ILDR2: variants seen among roughly 807,000 people sequenced by gnomAD.
The protein encoded by ILDR2 is immunoglobulin like domain containing receptor 2.
In ILDR2, 25 loss-of-function variants were observed where a neutral mutation model predicts 66.8. The observed-to-expected ratio is 0.37, with a 90% CI of 0.27 to 0.52. ILDR2 has a LOEUF of 0.52. ILDR2 is among the 20% of genes least tolerant of loss of function. The pLI is 0.88. For missense variants in ILDR2, 827 were observed against 876.8 expected (o/e 0.94, Z 0.72); for synonymous variants, 367 against 357.2 (o/e 1.03, Z -0.31).
At chr1:166,907,633 A>G (rs1339031747), downstream of ILDR2, among the ~76,000 whole-genome samples, 2 of 152,358 alleles carry the variant, frequency 1.3e-5, no homozygotes, top group Non-Finnish European at 1.5e-5. Context: ...GTTTAGTATC[A>G]TGGGTAATCA....
In ILDR2 at chr1:166,921,076, G is replaced by C; in HGVS notation, c.1515C>G (p.Ala505=). The change falls in exon 9 of 10, where the codon GCC becomes GCG. Residue 505 remains alanine, a synonymous_variant. Transcript: ENST00000271417. The surrounding 1 kb of genome is among the most constrained non-coding windows in gnomAD (Gnocchi z 5.3). ...WAFSPARRRP[A]EDAHLPRLVS... ...CCAGCCGCGGCAGGTGCGCGTCCTC[G>C]GCGGGTCTGCGGCGCGCGGGGCTGA... 3.4e-6 allele frequency: 5 copies of C among 1,487,944 alleles called. No homozygotes were observed. Among genetic ancestry groups the C allele is most frequent in the Non-Finnish European group, 4.4e-6 (5 of 1,128,728 alleles). The allele number at this position is 1,487,944 out of a possible 1,614,324, so 92.2% of individuals were successfully genotyped here.
rs1441057673 is a variant in ILDR2, at chr1:166,915,529, G to A, written c.*3826C>T. On this transcript the variant is annotated 3_prime_UTR_variant, in exon 10 of 10. Transcript: ENST00000271417. The stretch of plus-strand genomic sequence containing the variant: ...AGCAGCTATCAAGTTAATTCTTGTG[G>A]TTAGGCAATTTTGGGAAACACTAAT... 1 of 152,170 alleles carries A rather than the reference G, an allele frequency of 6.6e-6. No individual in the cohort carries two copies. The highest frequency in any genetic ancestry group is 2.4e-5 in the African/African-American group (1 of 41,432). The allele number at this position is 152,170 out of a possible 1,614,324, so 9.4% of individuals were successfully genotyped here. A position where few individuals can be genotyped will look rare whatever the true frequency, so the allele number is the denominator to read the frequency against.
chr1:166,966,358 G>A (rs976446098), intron 1 of ILDR2, among the ~76,000 whole-genome samples: 5 of 152,214 alleles, frequency 3.3e-5, no homozygotes, highest in African/African-American at 1.2e-4. Context: ...AGGGTAACCA[G>A]ATGTACCATC....
rs1242732456 is a variant in ILDR2 at position 166,912,682 on chromosome 1, G to A, written c.*6673C>T. On this transcript the variant is annotated 3_prime_UTR_variant, in exon 10 of 10. Coordinates refer to ENST00000271417, the MANE Select transcript of ILDR2 (RefSeq NM_199351.3). ...CCACTAAAATCTGGAATTCCCTTGA[G>A]AGGGCTTAGCCATCCAAAACAGGAT... 3 of 152,198 alleles carry A rather than the reference G, an allele frequency of 2.0e-5. No individual in the cohort carries two copies. In the South Asian group the frequency reaches 6.2e-4, roughly 32 times the overall value. 9.4% of individuals were successfully genotyped at this position (152,198 alleles called of 1,614,324 possible).
rs1245604638 is a variant in ILDR2 at position 166,913,689 on chromosome 1, T to C, written c.*5666A>G. On this transcript the variant is annotated 3_prime_UTR_variant, in exon 10 of 10. Transcript: ENST00000271417. ...TTAAAATGTAGTGAAGATGCCAGATTTTTGCTGTTAAGCAGCTTCTGCCTG... is the reference window on the plus strand; with the variant it reads ...TTAAAATGTAGTGAAGATGCCAGATCTTTGCTGTTAAGCAGCTTCTGCCTG... The C allele has an allele frequency of 6.6e-6, 1 of 152,248 alleles. No individual in the cohort carries two copies. The highest frequency in any genetic ancestry group is 6.5e-5 in the Admixed American group (1 of 15,290). 9.4% of individuals were successfully genotyped at this position (152,248 alleles called of 1,614,324 possible). A position where few individuals can be genotyped will look rare whatever the true frequency, so the allele number is the denominator to read the frequency against.
chr1:166,965,661 C>T lies in ILDR2; in HGVS notation c.47-7560G>A, dbSNP rs1463749362. 2.0e-5 allele frequency among the ~76,000 whole-genome samples: 3 copies of T among 147,000 alleles called. No individual in the cohort carries two copies. In the Admixed American group the frequency reaches 2.1e-4, roughly 10 times the overall value. ...CACCTTGGCTCACTGCAACCTCTGT[C>T]TCCTGGGTTCAAGTGTTTCTCCTGC... On this transcript the variant is annotated intron_variant, in intron 1 of 9. Transcript: ENST00000271417.
At chr1:166,906,044 T>G (rs1428177968), downstream of ILDR2, among the ~76,000 whole-genome samples, 1 of 152,246 alleles carries the variant, frequency 6.6e-6, no homozygotes. Flanking sequence ...TCATTTGTAC[T>G]GGCTGAGATG....
chr1:166,972,043 C>A (rs527830321), intron 1 of ILDR2, among the ~76,000 whole-genome samples: 2 of 152,142 alleles, frequency 1.3e-5, no homozygotes, highest in South Asian at 4.1e-4. Flanking sequence ...GAAACCCCAA[C>A]TCTACTAAAA....
chr1:166,916,461 T>G lies in ILDR2; in HGVS notation c.*2894A>C, dbSNP rs1557925627. ...TTACGGGGTCCTAGTGGACAGAGATTATGTCTTACACAAGATTTACTTTGT... is the reference window on the plus strand; with the variant it reads ...TTACGGGGTCCTAGTGGACAGAGATGATGTCTTACACAAGATTTACTTTGT... On this transcript the variant is annotated 3_prime_UTR_variant, in exon 10 of 10. Transcript: ENST00000271417. 9 of 152,362 alleles carry G rather than the reference T, an allele frequency of 5.9e-5. No homozygotes were observed. In the South Asian group the frequency reaches 1.9e-3, roughly 32 times the overall value. 9.4% of individuals were successfully genotyped at this position (152,362 alleles called of 1,614,324 possible).
rs1661016229 is a variant in ILDR2, at chr1:166,936,906, A to T, written c.557-169T>A. On this transcript the variant is annotated intron_variant, in intron 4 of 9. Transcript: ENST00000271417. This position sits in a 1 kb window ranked among gnomAD's most constrained non-coding sequence, Gnocchi z 5.0. ...ACACTCAAGAGGAACTCTGAGAGTC[A>T]GGAGTGCAGACCCTCAGTCCCGGGG... Among the ~76,000 whole-genome samples, 1 of 152,208 alleles carries T rather than the reference A, an allele frequency of 6.6e-6. No individual in the cohort carries two copies. Among genetic ancestry groups the T allele is most frequent in the African/African-American group, 2.4e-5 (1 of 41,450 alleles).
At chr1:166,950,269 C>T (rs1661894120) in intron 3 of ILDR2, among the ~76,000 whole-genome samples, 1 of 152,154 alleles carries the variant, frequency 6.6e-6, no homozygotes, top group Admixed American at 6.5e-5. Context: ...CAGCAGCAGC[C>T]ACTCTCAGAG....
chr1:166,974,448 C>T (rs1663476000), intron 1 of ILDR2, among the ~76,000 whole-genome samples: 1 of 152,150 alleles, frequency 6.6e-6, no homozygotes, highest in African/African-American at 2.4e-5. Context: ...GAAAGTTCAC[C>T]AAAAAGGAGG....
chr1:166,908,945 T>C lies in ILDR2; in HGVS notation c.*10410A>G, dbSNP rs1359097149. 6.6e-6 allele frequency: 1 copy of C among 152,244 alleles called. No homozygotes were observed. The highest frequency in any genetic ancestry group is 1.5e-5 in the Non-Finnish European group (1 of 68,048). The allele number at this position is 152,244 out of a possible 1,614,324, so 9.4% of individuals were successfully genotyped here. A position where few individuals can be genotyped will look rare whatever the true frequency, so the allele number is the denominator to read the frequency against. On this transcript the variant is annotated 3_prime_UTR_variant, in exon 10 of 10. Coordinates refer to ENST00000271417, the MANE Select transcript of ILDR2 (RefSeq NM_199351.3). ...AGATAAAGAATCTTTTCGGATGCAGTAGCAGATAGCTGTTGGTGTTGTGTA... is the reference window on the plus strand; with the variant it reads ...AGATAAAGAATCTTTTCGGATGCAGCAGCAGATAGCTGTTGGTGTTGTGTA...
At position 166,919,322 on chromosome 1, in the gene ILDR2, G is replaced by C; in HGVS notation, c.*33C>G. 1 of 1,598,070 alleles carries C rather than the reference G, an allele frequency of 6.3e-7. No homozygotes were observed. The highest frequency in any genetic ancestry group is 8.6e-7 in the Non-Finnish European group (1 of 1,166,344). ...TGTCTTGTCCCCGTAGTCCATGTCT[G>C]ATTTCTCATTATCCAGAGAAATGTT... On this transcript the variant is annotated 3_prime_UTR_variant, in exon 10 of 10. Coordinates refer to ENST00000271417, the MANE Select transcript of ILDR2 (RefSeq NM_199351.3).
Position 166,915,569 on chromosome 1 carries a change from C to T in ILDR2, c.*3786G>A, listed in dbSNP as rs1281900166. 5 of 152,076 alleles carry T rather than the reference C, an allele frequency of 3.3e-5. No individual in the cohort carries two copies. Among genetic ancestry groups the T allele is most frequent in the Non-Finnish European group, 7.4e-5 (5 of 68,016 alleles). 9.4% of individuals were successfully genotyped at this position (152,076 alleles called of 1,614,324 possible). A position where few individuals can be genotyped will look rare whatever the true frequency, so the allele number is the denominator to read the frequency against. ...GAAACACTAATCAGCAGAAAAGATC[C>T]AGAGGTTGGGAGTCTAAAGACCTAA... On this transcript the variant is annotated 3_prime_UTR_variant, in exon 10 of 10. Coordinates refer to ENST00000271417, the MANE Select transcript of ILDR2 (RefSeq NM_199351.3).
chr1:166,910,534 TAG>T lies in ILDR2; in HGVS notation c.*8819_*8820del, dbSNP rs1179690726. On this transcript the variant is annotated 3_prime_UTR_variant, in exon 10 of 10. Transcript: ENST00000271417. ...CCATCCAATACTGGAAGGTTAGCAATAGAGTCACTCTCTTGGATGTGTGCCAC... is the reference window on the plus strand; with the variant it reads ...CCATCCAATACTGGAAGGTTAGCAATAGTCACTCTCTTGGATGTGTGCCAC... 6.6e-6 allele frequency: 1 copy of T among 152,202 alleles called. No homozygotes were observed. The highest frequency in any genetic ancestry group is 1.5e-5 in the Non-Finnish European group (1 of 68,032). 9.4% of individuals were successfully genotyped at this position (152,202 alleles called of 1,614,324 possible).
chr1:166,897,443 G>A (rs1054633225), intron 2 of ILDR2, among the ~76,000 whole-genome samples: 2 of 152,136 alleles, frequency 1.3e-5, no homozygotes, highest in Non-Finnish European at 2.9e-5. Context: ...TGCTAATGAG[G>A]TGATTCATGG....
At chr1:166,919,476 C>A in intron 9 of ILDR2, 86 bp from the exon 10 acceptor site, 1 of 1,287,358 alleles carries the variant, frequency 7.8e-7, no homozygotes, top group South Asian at 1.4e-5. Flanking sequence ...TGGGCAGAGT[C>A]CACAACCCGT....
At chr1:166,964,154 AT>A (rs1553232444) in intron 1 of ILDR2, among the ~76,000 whole-genome samples, 1 of 149,482 alleles carries the variant, frequency 6.7e-6, no homozygotes, top group African/African-American at 2.5e-5. Context: ...AAAAAAAAAA[AT>A]TTAAGAATTC....
Sources: allele counts gnomAD v4.1 joint callset (sites outside exome capture counted in the v4.1 genomes callset), GRCh38; gene constraint gnomAD v4.1.1; non-coding constraint Gnocchi (gnomAD v3.1); transcripts MANE v1.5; gene names NCBI Gene and HGNC (gene_info 2026-07-23, HGNC 2026-07-21).